Variants in ARK2C observed in about 807,000 individuals in gnomAD.
ARK2C encodes E3 ubiquitin-protein ligase ARK2C.
chr18:46,456,870 G>A, the ARK2C span: 1 of 512,824 alleles, frequency 1.9e-6, no homozygotes, highest in Non-Finnish European at 3.6e-6. Context: ...CAGGAGAGAG[G>A]GAGCTGGCGG....
At chr18:46,455,106 T>C in the ARK2C span, among the ~76,000 whole-genome samples, 4 of 152,212 alleles carry the variant, frequency 2.6e-5, no homozygotes, top group Non-Finnish European at 5.9e-5. Flanking sequence ...TGTTTCATGA[T>C]TGCTTTACGA....
the ARK2C span, among the ~76,000 whole-genome samples, chr18:46,443,979 T>C: frequency 6.6e-6 from 1 of 152,158 alleles, no homozygotes. Context: ...AGTCTTTATT[T>C]CACTGTCATT....
chr18:46,435,545 A>G, the ARK2C span: 1 of 654,110 alleles, frequency 1.5e-6, no homozygotes, highest in East Asian at 2.7e-5. Context: ...GCTCCCAGCC[A>G]CCCTCTGGGC....
At chr18:46,337,719 C>A in the ARK2C span, 1 of 623,658 alleles carries the variant, frequency 1.6e-6, no homozygotes, top group Non-Finnish European at 2.0e-6. Flanking sequence ...ATTTTCCCCC[C>A]TTGCTTTTCT....
At chr18:46,367,135 A>T in the ARK2C span, among the ~76,000 whole-genome samples, 1 of 151,998 alleles carries the variant, frequency 6.6e-6, no homozygotes, top group Admixed American at 6.6e-5. Context: ...CTGCTGGGGG[A>T]TGTGGGATCT....
At chr18:46,391,388 C>T in the ARK2C span, among the ~76,000 whole-genome samples, 7 of 152,068 alleles carry the variant, frequency 4.6e-5, no homozygotes, top group African/African-American at 7.2e-5. Context: ...GAATCAGAGG[C>T]GAGGCCTAGT....
chr18:46,435,247 G>T, the ARK2C span: 3 of 1,578,792 alleles, frequency 1.9e-6, no homozygotes, highest in Non-Finnish European at 2.6e-6. Flanking sequence ...TAGTGGCCTG[G>T]GTAGCCCCTG....
chr18:46,421,496 AC>A, the ARK2C span, among the ~76,000 whole-genome samples: 16 of 152,342 alleles, frequency 1.1e-4, no homozygotes, highest in Non-Finnish European at 1.8e-4. Flanking sequence ...CAGTCTTCTG[AC>A]CACATATGCC....
the ARK2C span, among the ~76,000 whole-genome samples, chr18:46,394,756 C>T: frequency 6.6e-5 from 10 of 152,204 alleles, no homozygotes; most frequent in East Asian, 1.9e-4. Context: ...TGTTCAAGGA[C>T]GACTGTGGAT....
At chr18:46,423,041 A>G in the ARK2C span, among the ~76,000 whole-genome samples, 2 of 152,194 alleles carry the variant, frequency 1.3e-5, no homozygotes. Context: ...ATCAGAGTCC[A>G]GTTTATCAAT....
At chr18:46,421,988 T>C in the ARK2C span, among the ~76,000 whole-genome samples, 4 of 152,054 alleles carry the variant, frequency 2.6e-5, no homozygotes, top group East Asian at 1.9e-4. Flanking sequence ...AACCAATAGA[T>C]AGAGAGGGAG....
the ARK2C span, among the ~76,000 whole-genome samples, chr18:46,420,632 T>G: frequency 0.21 from 32,456 of 151,660 alleles, 3,957 homozygotes; most frequent in East Asian, 0.38. Context: ...ATCACCTGAG[T>G]TCAGGAGTTC....
the ARK2C span, among the ~76,000 whole-genome samples, chr18:46,373,249 T>C: frequency 3.0e-4 from 46 of 152,364 alleles, no homozygotes; most frequent in African/African-American, 9.1e-4. Flanking sequence ...TGGACTGGCA[T>C]GGCTAATGCC....
the ARK2C span, among the ~76,000 whole-genome samples, chr18:46,348,068 C>T: frequency 4.6e-5 from 7 of 152,174 alleles, no homozygotes; most frequent in Non-Finnish European, 1.0e-4. Flanking sequence ...AACAGACAGA[C>T]GCAGGAACAG....
the ARK2C span, among the ~76,000 whole-genome samples, chr18:46,383,681 A>G: frequency 2.6e-5 from 4 of 151,126 alleles, no homozygotes; most frequent in Admixed American, 6.6e-5. Context: ...CAGCCTCCCG[A>G]GTAGCTGGGA....
chr18:46,336,379 C>G, the ARK2C span: 1 of 972,490 alleles, frequency 1.0e-6, no homozygotes, highest in Non-Finnish European at 1.2e-6. Flanking sequence ...CCTCACCCCC[C>G]CCAACAAAAA....
At chr18:46,349,064 G>T in the ARK2C span, among the ~76,000 whole-genome samples, 1 of 152,050 alleles carries the variant, frequency 6.6e-6, no homozygotes, top group African/African-American at 2.4e-5. Flanking sequence ...ATACTGTGGA[G>T]GTAGGGAGAC....
the ARK2C span, chr18:46,458,545 T>C: frequency 6.6e-6 from 1 of 152,654 alleles, no homozygotes; most frequent in African/African-American, 2.4e-5. Flanking sequence ...TTTGAGTCTG[T>C]ATTGCTGCTA....
the ARK2C span, among the ~76,000 whole-genome samples, chr18:46,368,613 T>C: frequency 6.6e-6 from 1 of 152,212 alleles, no homozygotes; most frequent in African/African-American, 2.4e-5. Context: ...GACAGCTCTA[T>C]GGAGTCGAGT....
Sources: gnomAD v4.1 joint callset for allele counts (sites outside exome capture counted in the v4.1 genomes callset) on GRCh38, gnomAD v4.1.1 for gene constraint, MANE v1.5 for transcripts, NCBI Gene and HGNC (gene_info 2026-07-23, HGNC 2026-07-21) for gene names.